Variants in SLC9A9 observed in about 807,000 individuals in gnomAD.
SLC9A9 encodes the protein sodium/hydrogen exchanger 9.
SLC9A9 carries 62 observed loss-of-function variants against 77.8 expected under a neutral mutation model. That is an observed-to-expected ratio of 0.80 (90% CI 0.65 to 0.98). The LOEUF is 0.98. Ranked by LOEUF, SLC9A9 falls within the 50% of genes least tolerant of loss-of-function variation. SLC9A9 has a pLI of 0.00. For synonymous variants in SLC9A9, 320 were observed against 283.5 expected (o/e 1.13, Z -1.29); for missense variants, 775 against 774.9 (o/e 1.00, Z 0.00).
At chr3:143,681,164 A>T (rs1355190583) in intron 5 of SLC9A9, among the ~76,000 whole-genome samples, 1 of 152,210 alleles carries the variant, frequency 6.6e-6, no homozygotes, top group African/African-American at 2.4e-5. Flanking sequence ...TATTCTTTGT[A>T]GTTCTTCTAC....
intron 1 of SLC9A9, among the ~76,000 whole-genome samples, chr3:143,846,590 A>T (rs2009835044): frequency 6.6e-6 from 1 of 151,968 alleles, no homozygotes. Flanking sequence ...ATGGTGGCTC[A>T]TGCCCGTAAT....
At chr3:143,372,187 C>T (rs545382268) in intron 13 of SLC9A9, among the ~76,000 whole-genome samples, 6 of 152,194 alleles carry the variant, frequency 3.9e-5, no homozygotes, top group South Asian at 4.1e-4. Flanking sequence ...AAATAACTAC[C>T]GTTTTTCACA....
At chr3:143,677,530 T>C in intron 5 of SLC9A9, among the ~76,000 whole-genome samples, 1 of 152,178 alleles carries the variant, frequency 6.6e-6, no homozygotes, top group East Asian at 1.9e-4. Flanking sequence ...AGGAGTCAGA[T>C]TGCTGGGTCA....
At chr3:143,602,775 A>G (rs1227415154) in intron 6 of SLC9A9, among the ~76,000 whole-genome samples, 3 of 152,334 alleles carry the variant, frequency 2.0e-5, no homozygotes, top group Middle Eastern at 3.4e-3. Flanking sequence ...GACTTCCCCA[A>G]AGAAACCCCT....
At position 143,847,944 on chromosome 3, in the gene SLC9A9, G is replaced by A. The variant is rs2009863870; in HGVS notation, c.175+204C>T. 3 of 614,202 alleles carry A rather than the reference G, an allele frequency of 4.9e-6. No homozygotes were observed. In the African/African-American group the frequency reaches 5.5e-5, roughly 11 times the overall value. The allele number at this position is 614,202 out of a possible 1,614,324, so 38.0% of individuals were successfully genotyped here. A position where few individuals can be genotyped will look rare whatever the true frequency, so the allele number is the denominator to read the frequency against. ...ATGTGCCGTGTGAGAACATGACTGTGACATTTGCTCTCGTGACATGGCAAA... is the reference window on the plus strand; with the variant it reads ...ATGTGCCGTGTGAGAACATGACTGTAACATTTGCTCTCGTGACATGGCAAA... On this transcript the variant is annotated intron_variant, in intron 1 of 15. Coordinates refer to ENST00000316549, the MANE Select transcript of SLC9A9 (RefSeq NM_173653.4).
rs113329685 is a variant in SLC9A9, at chr3:143,800,247, A to G, written c.379-3344T>C. Among the ~76,000 whole-genome samples the G allele has an allele frequency of 2.1e-3, 323 of 152,054 alleles. 1 individual carries two copies. Among genetic ancestry groups the G allele is most frequent in the African/African-American group, 7.3e-3 (304 of 41,466 alleles). On this transcript the variant is annotated intron_variant, in intron 2 of 15. Coordinates refer to ENST00000316549, the MANE Select transcript of SLC9A9 (RefSeq NM_173653.4). ...ACCCCTTATCATCCCATTAAAACCTAATCACCCTTACCCTGCTCAATGCCA... is the reference window on the plus strand; with the variant it reads ...ACCCCTTATCATCCCATTAAAACCTGATCACCCTTACCCTGCTCAATGCCA...
intron 4 of SLC9A9, among the ~76,000 whole-genome samples, chr3:143,712,250 C>T (rs1176747965): frequency 6.6e-6 from 1 of 152,166 alleles, no homozygotes; most frequent in East Asian, 1.9e-4. Flanking sequence ...TTCTTAACAA[C>T]TCTACTTCTC....
At chr3:143,726,176 G>T (rs1364450094) in intron 4 of SLC9A9, among the ~76,000 whole-genome samples, 1 of 146,954 alleles carries the variant, frequency 6.8e-6, no homozygotes, top group Admixed American at 7.0e-5. Context: ...CATGACACAC[G>T]TTTACCTATG....
Position 143,266,165 on chromosome 3 carries a change from C to G in SLC9A9, c.*537G>C. 1 of 700,486 alleles carries G rather than the reference C, an allele frequency of 1.4e-6. No individual in the cohort carries two copies. Among genetic ancestry groups the G allele is most frequent in the Non-Finnish European group, 2.6e-6 (1 of 384,146 alleles). The allele number at this position is 700,486 out of a possible 1,614,324, so 43.4% of individuals were successfully genotyped here. A position where few individuals can be genotyped will look rare whatever the true frequency, so the allele number is the denominator to read the frequency against. ...TCTGGGAAACCATCAGCAGTGGGTA[C>G]GGAACACTTCTCTGGGCTCTGCCCT... On this transcript the variant is annotated 3_prime_UTR_variant, in exon 16 of 16. Coordinates refer to ENST00000316549, the MANE Select transcript of SLC9A9 (RefSeq NM_173653.4).
chr3:143,477,100 G>C (rs2108577267), intron 11 of SLC9A9, among the ~76,000 whole-genome samples: 1 of 152,202 alleles, frequency 6.6e-6, no homozygotes, highest in South Asian at 2.1e-4. Flanking sequence ...ATGATGTACT[G>C]TTATAACTTC....
chr3:143,709,827 T>C (rs2108795409), intron 4 of SLC9A9, among the ~76,000 whole-genome samples: 1 of 152,256 alleles, frequency 6.6e-6, no homozygotes, highest in African/African-American at 2.4e-5. Context: ...AAAGAATGTG[T>C]CATCCACTGA....
chr3:143,788,708 A>AAAG (rs2008129623), intron 4 of SLC9A9, among the ~76,000 whole-genome samples: 1 of 141,620 alleles, frequency 7.1e-6, no homozygotes, highest in African/African-American at 2.5e-5. Flanking sequence ...AAAAAAAAAA[A>AAAG]GACATCATCT....
intron 6 of SLC9A9, among the ~76,000 whole-genome samples, chr3:143,586,121 C>G (rs1466409376): frequency 6.6e-6 from 1 of 152,236 alleles, no homozygotes; most frequent in East Asian, 1.9e-4. Flanking sequence ...CCTTCCCCAC[C>G]CCGTCATACA....
intron 4 of SLC9A9, among the ~76,000 whole-genome samples, chr3:143,699,554 A>G (rs1254061275): frequency 1.3e-5 from 2 of 152,172 alleles, no homozygotes; most frequent in Non-Finnish European, 2.9e-5. Flanking sequence ...ATTGTACTGA[A>G]CTTACCGGTG....
At chr3:143,835,221 T>C (rs899852843) in intron 1 of SLC9A9, among the ~76,000 whole-genome samples, 9 of 152,194 alleles carry the variant, frequency 5.9e-5, no homozygotes, top group Non-Finnish European at 1.3e-4. Flanking sequence ...GGAATGAAAA[T>C]CTTTTGTGCA....
intron 11 of SLC9A9, among the ~76,000 whole-genome samples, chr3:143,467,608 G>A (rs1311213870): frequency 6.6e-6 from 1 of 152,004 alleles, no homozygotes; most frequent in African/African-American, 2.4e-5. Context: ...AGCCAGGCAT[G>A]GTGGCATGTG....
At chr3:143,736,205 A>G (rs1192625013) in intron 4 of SLC9A9, among the ~76,000 whole-genome samples, 1 of 152,152 alleles carries the variant, frequency 6.6e-6, no homozygotes, top group Admixed American at 6.5e-5. Context: ...CTGACACTAA[A>G]TTTAGTCTCC....
At position 143,726,919 on chromosome 3, in the gene SLC9A9, T is replaced by C. The variant is rs79655722; in HGVS notation, c.534-33612A>G. On this transcript the variant is annotated intron_variant, in intron 4 of 15. Coordinates refer to ENST00000316549, the MANE Select transcript of SLC9A9 (RefSeq NM_173653.4). ...TTTAAAGGACTCATTCCAGTGCCCC[T>C]ATGACTGAACTTACTGCAACTGTTT... is the stretch of plus-strand genomic sequence containing the variant. Among the ~76,000 whole-genome samples the C allele has an allele frequency of 2.1e-3, 320 of 152,282 alleles. 4 individuals carry two copies. Among genetic ancestry groups the C allele is most frequent in the East Asian group, 0.017 (89 of 5,176 alleles).
intron 11 of SLC9A9, among the ~76,000 whole-genome samples, chr3:143,483,598 T>A (rs755351134): frequency 3.9e-5 from 6 of 152,134 alleles, no homozygotes; most frequent in Non-Finnish European, 8.8e-5. Context: ...TATGCAAACT[T>A]TATATGCTCA....
Sources: allele counts gnomAD v4.1 joint callset (sites outside exome capture counted in the v4.1 genomes callset), GRCh38; gene constraint gnomAD v4.1.1; transcripts MANE v1.5; gene names NCBI Gene and HGNC (gene_info 2026-07-23, HGNC 2026-07-21).